Variants in MED13L observed in about 807,000 individuals in gnomAD.
MED13L encodes the protein mediator of RNA polymerase II transcription subunit 13-like.
Under a neutral mutation model 220.9 loss-of-function variants are expected in MED13L, and 7 were observed. That is an observed-to-expected ratio of 0.03 (90% CI 0.02 to 0.06). MED13L has a LOEUF of 0.06. MED13L is among the 10% of genes least tolerant of loss of function. MED13L has a pLI of 1.00. For missense variants in MED13L, 1,965 were observed against 2,760.5 expected, an observed-to-expected ratio of 0.71 and a Z score of 6.46; for synonymous variants, 1,011 against 1,015.2, an observed-to-expected ratio of 1.00 and a Z score of 0.08.
At chr12:115,970,856 G>C (rs1351235003) in intron 26 of MED13L, 86 bp from the exon 27 acceptor site, 4 of 1,280,926 alleles carry the variant, frequency 3.1e-6, no homozygotes, top group Non-Finnish European at 4.4e-6. Context: ...AGTGGTATGA[G>C]TCTGATGAAA....
In MED13L at chr12:116,032,447, T is replaced by C. The variant is rs548125915; in HGVS notation, c.480-9846A>G. On this transcript the variant is annotated intron_variant, in intron 4 of 30. Transcript: ENST00000281928. ...GGAAACTCAGAAATCAACCCTCCAA[T>C]GGCCCAGTAATCCCCAACACCCAGC... Among the ~76,000 whole-genome samples, 31 of 152,170 alleles carry C rather than the reference T, an allele frequency of 2.0e-4. 1 individual carries two copies. The highest frequency in any genetic ancestry group is 6.5e-4 in the Admixed American group (10 of 15,284).
At chr12:116,152,057 CTG>C (rs1345775240) in intron 2 of MED13L, among the ~76,000 whole-genome samples, 2 of 152,050 alleles carry the variant, frequency 1.3e-5, no homozygotes, top group Non-Finnish European at 2.9e-5. Context: ...TTCACTGATC[CTG>C]TCTTTTAGTA....
intron 2 of MED13L, among the ~76,000 whole-genome samples, chr12:116,217,207 C>T (rs976914119): frequency 6.6e-6 from 1 of 152,154 alleles, no homozygotes; most frequent in Non-Finnish European, 1.5e-5. Context: ...TGCTTGAGCA[C>T]CCACCCACAT....
chr12:116,090,028 G>A (rs569341742), intron 4 of MED13L, among the ~76,000 whole-genome samples: 75 of 152,132 alleles, frequency 4.9e-4, no homozygotes, highest in African/African-American at 1.6e-3. Flanking sequence ...ATCATTCTAC[G>A]GTACTTAGGC....
chr12:116,276,631 G>A, intron 1 of MED13L: 2 of 1,197,706 alleles, frequency 1.7e-6, no homozygotes, highest in Non-Finnish European at 2.1e-6. Context: ...AGGCGGGCGG[G>A]CAGGCAGCTG....
chr12:116,067,127 A>G (rs970260725), intron 4 of MED13L, among the ~76,000 whole-genome samples: 6 of 152,214 alleles, frequency 3.9e-5, no homozygotes. Context: ...AAAAAAAGCT[A>G]TAAGATAGAG....
At chr12:115,968,187 C>CCAGTCTCATA (rs1337371131) in intron 28 of MED13L, among the ~76,000 whole-genome samples, 3 of 151,942 alleles carry the variant, frequency 2.0e-5, no homozygotes, top group African/African-American at 7.2e-5. Context: ...TCTTAACTCC[C>CCAGTCTCATA]CAGTCTCATA....
intron 2 of MED13L, among the ~76,000 whole-genome samples, chr12:116,143,323 C>T (rs1877238748): frequency 6.8e-6 from 1 of 148,074 alleles, no homozygotes; most frequent in Admixed American, 6.7e-5. Context: ...ACAGCAACAC[C>T]TTGTCTCAAA....
intron 2 of MED13L, among the ~76,000 whole-genome samples, chr12:116,210,522 C>A (rs1374946594): frequency 1.4e-5 from 2 of 139,144 alleles, no homozygotes; most frequent in Non-Finnish European, 3.1e-5. Context: ...AGAAAAAAAA[C>A]CAGCCCAAAA....
chr12:116,067,890 C>A (rs1189832820), intron 4 of MED13L, among the ~76,000 whole-genome samples: 1 of 152,140 alleles, frequency 6.6e-6, no homozygotes, highest in East Asian at 1.9e-4. Context: ...TAAAGGACAA[C>A]AAAGAGATTA....
chr12:116,123,334 G>T (rs1875255095), intron 2 of MED13L, among the ~76,000 whole-genome samples: 1 of 152,042 alleles, frequency 6.6e-6, no homozygotes, highest in Admixed American at 6.6e-5. Context: ...TTTAAAACAG[G>T]AATCATCACA....
chr12:116,144,148 C>G (rs557705856), intron 2 of MED13L, among the ~76,000 whole-genome samples: 1 of 152,348 alleles, frequency 6.6e-6, no homozygotes, highest in East Asian at 1.9e-4. Context: ...AACAGCTTAA[C>G]TCACAGCCCT....
intron 2 of MED13L, among the ~76,000 whole-genome samples, chr12:116,200,208 C>T (rs1386467859): frequency 6.6e-6 from 1 of 151,680 alleles, no homozygotes; most frequent in African/African-American, 2.4e-5. Flanking sequence ...ACTACCAATC[C>T]CCTGCCTTTT....
intron 4 of MED13L, among the ~76,000 whole-genome samples, chr12:116,072,096 A>G (rs79882430): frequency 6.6e-6 from 1 of 152,354 alleles, no homozygotes; most frequent in African/African-American, 2.4e-5. Context: ...AAGCAACTGG[A>G]GAAAAGGATT....
chr12:116,040,890 C>G (rs144810975), intron 4 of MED13L, among the ~76,000 whole-genome samples: 1 of 151,858 alleles, frequency 6.6e-6, no homozygotes, highest in African/African-American at 2.4e-5. Context: ...TATGATGCAT[C>G]AATTGACCTA....
intron 1 of MED13L, among the ~76,000 whole-genome samples, chr12:116,250,357 A>T (rs924754074): frequency 9.4e-5 from 14 of 148,778 alleles, no homozygotes; most frequent in East Asian, 1.9e-4. Context: ...AACTAGAATA[A>T]TTTTTTTTTT....
chr12:116,031,761 AAGGAAGG>A lies in MED13L; in HGVS notation c.480-9167_480-9161del, dbSNP rs1447967012. Reference sequence around the variant, plus strand: ...AAAAGAAAAGAAAAGAAAAGAAAAGAAGGAAGGAAGGAAGGAAGGAAGGAAGGAAGGA... The same window carrying A: ...AAAAGAAAAGAAAAGAAAAGAAAAGAAAGGAAGGAAGGAAGGAAGGAAGGA... On this transcript the variant is annotated intron_variant, in intron 4 of 30. Coordinates refer to ENST00000281928, the MANE Select transcript of MED13L (RefSeq NM_015335.5). 1.0e-3 allele frequency among the ~76,000 whole-genome samples: 129 copies of A among 123,832 alleles called. 5 individuals are homozygous for A. The Middle Eastern group carries it at 0.014, about 13-fold the overall frequency. The allele number at this position is 123,832 out of a possible 152,430, so 81.2% of individuals were successfully genotyped here. A position where few individuals can be genotyped will look rare whatever the true frequency, so the allele number is the denominator to read the frequency against.
At chr12:116,100,060 G>A (rs1872932246) in intron 3 of MED13L, among the ~76,000 whole-genome samples, 1 of 152,188 alleles carries the variant, frequency 6.6e-6, no homozygotes, top group South Asian at 2.1e-4. Flanking sequence ...AGAATTGCAT[G>A]AAGTAGTGTT....
chr12:116,038,744 CAA>C lies in MED13L; in HGVS notation c.480-16145_480-16144del, dbSNP rs63703461. ...GACTTTACCTATGCGGTCAAAAGGC[CAA>C]AAAAAAAAAAAAAAAAAAAAAAAAA... On this transcript the variant is annotated intron_variant, in intron 4 of 30. Transcript: ENST00000281928. 5.6e-3 allele frequency among the ~76,000 whole-genome samples: 423 copies of C among 75,244 alleles called. 4 individuals carry two copies. Among genetic ancestry groups the C allele is most frequent in the African/African-American group, 0.021 (352 of 16,638 alleles). The allele number at this position is 75,244 out of a possible 152,430, so 49.4% of individuals were successfully genotyped here.
Sources: gnomAD v4.1 joint callset for allele counts (sites outside exome capture counted in the v4.1 genomes callset) on GRCh38, gnomAD v4.1.1 for gene constraint, MANE v1.5 for transcripts, NCBI Gene and HGNC (gene_info 2026-07-23, HGNC 2026-07-21) for gene names.